The following POSTN variants were observed in gnomAD, a reference collection of about 807,000 sequenced individuals.
The protein encoded by POSTN is periostin.
POSTN carries 71 observed loss-of-function variants against 104.5 expected under a neutral mutation model. That is an observed-to-expected ratio of 0.68 (90% confidence interval 0.56 to 0.83). The LOEUF is 0.83. Among genes scored for constraint, POSTN ranks in the 40% least tolerant of loss-of-function variants. The pLI is 0.00. For synonymous variants in POSTN, 355 were observed against 340.7 expected, an observed-to-expected ratio of 1.04 and a Z score of -0.46; for missense variants, 949 against 1,006.8, an observed-to-expected ratio of 0.94 and a Z score of 0.78.
At chr13:37,582,250 T>C in intron 10 of POSTN, 116 bp downstream of exon 10, 10 of 1,219,752 alleles carry the variant, frequency 8.2e-6, no homozygotes, top group Non-Finnish European at 1.1e-5. Context: ...TCCCTGATGC[T>C]TCTATGAATA....
At chr13:37,587,419 T>C (rs1950781905) in intron 5 of POSTN, among the ~76,000 whole-genome samples, 2 of 152,316 alleles carry the variant, frequency 1.3e-5, no homozygotes, top group African/African-American at 4.8e-5. Flanking sequence ...AAAAGTCCTA[T>C]GACCCTGTTG....
At chr13:37,583,829 G>T in intron 9 of POSTN, 140 bp downstream of exon 9, 1 of 944,500 alleles carries the variant, frequency 1.1e-6, no homozygotes, top group Non-Finnish European at 1.5e-6. Context: ...ACCATGTAGT[G>T]TTAACACATT....
At chr13:37,567,041 C>G (rs1434719200) in intron 21 of POSTN, among the ~76,000 whole-genome samples, 1 of 149,868 alleles carries the variant, frequency 6.7e-6, no homozygotes, top group African/African-American at 2.5e-5. Flanking sequence ...TCGAGACCAT[C>G]CCGGCTAAAA....
At position 37,571,496 on chromosome 13, in the gene POSTN, A is replaced by T. The variant is rs536876413; in HGVS notation, c.2090-38T>A. 2.1e-6 allele frequency: 3 copies of T among 1,447,468 alleles called. No homozygotes were observed. The African/African-American group carries it at 4.2e-5, about 20-fold the overall frequency. The allele number at this position is 1,447,468 out of a possible 1,614,324, so 89.7% of individuals were successfully genotyped here. ...TTTAGGAGACAAATTATCATGTTAA[A>T]ACAGTCCTTTAAATTTACCGGAATA... On this transcript the variant is annotated intron_variant, in intron 17 of 22. Transcript: ENST00000379747.
rs147174514 is a variant in POSTN at position 37,566,777 on chromosome 13, G to T, written c.2432-2217C>A. 1.8e-3 allele frequency among the ~76,000 whole-genome samples: 275 copies of T among 152,176 alleles called. 2 individuals are homozygous for T. Among genetic ancestry groups the T allele is most frequent in the African/African-American group, 6.4e-3 (265 of 41,504 alleles). On this transcript the variant is annotated intron_variant, in intron 21 of 22. Coordinates refer to ENST00000379747, the MANE Select transcript of POSTN (RefSeq NM_006475.3). ...TCGTTTCAGAATGCATAATTCTAAGGTAAGCCCAAAAATTTTATGCATTTA... is the reference window on the plus strand; with the variant it reads ...TCGTTTCAGAATGCATAATTCTAAGTTAAGCCCAAAAATTTTATGCATTTA...
intron 19 of POSTN, among the ~76,000 whole-genome samples, 191 bp from the exon 20 acceptor site, chr13:37,570,012 C>T (rs900753135): frequency 6.6e-6 from 1 of 151,914 alleles, no homozygotes; most frequent in African/African-American, 2.4e-5. Context: ...TCCGATAAAA[C>T]TTTATTTCCA....
intron 10 of POSTN, among the ~76,000 whole-genome samples, chr13:37,581,561 A>G (rs1030315258): frequency 6.6e-6 from 1 of 152,140 alleles, no homozygotes; most frequent in South Asian, 2.1e-4. Context: ...CTCAAGAAAA[A>G]TTAAATTAAA....
intron 12 of POSTN, 144 bp downstream of exon 12, chr13:37,579,717 G>T: frequency 1.1e-6 from 1 of 925,650 alleles, no homozygotes; most frequent in Non-Finnish European, 1.6e-6. Flanking sequence ...CACATCCCAA[G>T]TGGACGAAAT....
rs755339302 is a variant in POSTN at position 37,569,816 on chromosome 13, C to G, written c.2275G>C (p.Glu759Gln). ...GTAGAAATCCTAGTGTATTTTATTT[C>G]AGGACCTATGAGAAGGACAATGAAA... The part of the protein sequence containing the change: ...TREERIITGP[E>Q]IKYTRISTGG... Residue 759 changes from glutamate (E) to glutamine (Q), a missense_variant, in exon 20 of 23, where the codon GAA becomes CAA. By Grantham distance (29) the Glu-to-Gln change is conservative. Coordinates refer to ENST00000379747, the MANE Select transcript of POSTN (RefSeq NM_006475.3). 5.0e-6 allele frequency: 8 copies of G among 1,597,054 alleles called. No homozygotes were observed. The highest frequency in any genetic ancestry group is 6.9e-6 in the Non-Finnish European group (8 of 1,166,400).
intron 1 of POSTN, among the ~76,000 whole-genome samples, chr13:37,597,990 A>G (rs1593377782): frequency 6.6e-6 from 1 of 152,278 alleles, no homozygotes; most frequent in East Asian, 1.9e-4. Flanking sequence ...ATCCGCTTAA[A>G]AAATTATAAA....
chr13:37,574,648 A>G lies in POSTN; in HGVS notation c.2013T>C (p.Thr671=). The G allele has an allele frequency of 6.3e-7, 1 of 1,594,770 alleles. No homozygotes were observed. Among genetic ancestry groups the G allele is most frequent in the South Asian group, 1.2e-5 (1 of 86,880 alleles). ...FKEIPVTVYT[T]KIITKVVEPK... Reference sequence around the variant, plus strand: ...GTTCCACAACTTTGGTTATAATTTTAGTTGCTGAAAGTATAGAAAGTGGAA... The same window carrying G: ...GTTCCACAACTTTGGTTATAATTTTGGTTGCTGAAAGTATAGAAAGTGGAA... Residue 671 remains threonine (T), a synonymous_variant, in exon 17 of 23, where the codon ACT becomes ACC. Coordinates refer to ENST00000379747, the MANE Select transcript of POSTN (RefSeq NM_006475.3).
chr13:37,584,952 T>C (rs1167130490), intron 7 of POSTN, 24 bp from the exon 8 acceptor site: 5 of 1,611,306 alleles, frequency 3.1e-6, no homozygotes, highest in East Asian at 2.2e-5. Flanking sequence ...TAAAAACAGG[T>C]AGCTTTCAGA....
intron 1 of POSTN, among the ~76,000 whole-genome samples, 193 bp downstream of exon 1, chr13:37,598,415 A>G (rs1951147002): frequency 6.6e-6 from 1 of 152,190 alleles, no homozygotes; most frequent in African/African-American, 2.4e-5. Context: ...GTATTTAGAG[A>G]GCAATTAAGT....
chr13:37,581,504 G>A (rs1297476599), intron 10 of POSTN, among the ~76,000 whole-genome samples: 2 of 152,194 alleles, frequency 1.3e-5, no homozygotes, highest in Non-Finnish European at 2.9e-5. Context: ...AGGTTCACTG[G>A]AGGCTGAAAG....
Sources: allele counts gnomAD v4.1 joint callset (sites outside exome capture counted in the v4.1 genomes callset), GRCh38; gene constraint gnomAD v4.1.1; transcripts MANE v1.5; gene names NCBI Gene and HGNC (gene_info 2026-07-23, HGNC 2026-07-21).